Variants in RBM47 observed in about 807,000 individuals in gnomAD.
RBM47 encodes the protein RNA binding motif protein 47.
RBM47 carries 21 observed loss-of-function variants against 47.1 expected under a neutral mutation model. The ratio of observed to expected loss-of-function variants is 0.45; its 90% CI spans 0.32 to 0.64. The LOEUF (loss-of-function observed/expected upper bound fraction) is 0.64, where lower values mean the gene tolerates loss of function less well. Ranked by LOEUF, RBM47 falls within the 30% of genes least tolerant of loss-of-function variation. The pLI, the probability that RBM47 is intolerant of heterozygous loss-of-function variation, is 0.05. For missense variants in RBM47, 708 were observed against 870.9 expected (o/e 0.81, Z 2.35); for synonymous variants, 375 against 361.7 (o/e 1.04, Z -0.42).
chr4:40,499,991 C>G (rs554601329), intron 2 of RBM47, among the ~76,000 whole-genome samples: 1 of 152,180 alleles, frequency 6.6e-6, no homozygotes, highest in African/African-American at 2.4e-5. Flanking sequence ...ACTAGCTGTG[C>G]TTAAACAATT....
chr4:40,489,092 G>GC (rs376504682), intron 2 of RBM47, among the ~76,000 whole-genome samples: 18 of 152,260 alleles, frequency 1.2e-4, no homozygotes, highest in South Asian at 4.1e-4. Context: ...TACTCTGTAT[G>GC]CCCCCCTCAT....
At chr4:40,600,448 C>T (rs1262136470) in intron 1 of RBM47, among the ~76,000 whole-genome samples, 2 of 148,796 alleles carry the variant, frequency 1.3e-5, no homozygotes, top group Non-Finnish European at 3.0e-5. Context: ...TGCTGGCTAA[C>T]GTGGTGAAAC....
intron 2 of RBM47, among the ~76,000 whole-genome samples, chr4:40,538,839 T>C (rs1248515763): frequency 6.6e-6 from 1 of 151,244 alleles, no homozygotes; most frequent in African/African-American, 2.4e-5. Context: ...TTTCACCATG[T>C]TGGCCAGTCA....
chr4:40,432,546 CAG>C, intron 6 of RBM47, 103 bp downstream of exon 6: 1 of 1,546,248 alleles, frequency 6.5e-7, no homozygotes, highest in Non-Finnish European at 8.7e-7. Context: ...ATAGCTGTAA[CAG>C]AGAGCCAGGC....
chr4:40,612,284 C>T (rs1458785587), intron 1 of RBM47, among the ~76,000 whole-genome samples: 1 of 152,174 alleles, frequency 6.6e-6, no homozygotes, highest in East Asian at 1.9e-4. Context: ...GTAATCCCAG[C>T]ACTTTGGAAG....
At chr4:40,584,763 A>G (rs1266870093) in intron 1 of RBM47, among the ~76,000 whole-genome samples, 1 of 152,236 alleles carries the variant, frequency 6.6e-6, no homozygotes, top group African/African-American at 2.4e-5. Flanking sequence ...TTTTAAATTC[A>G]AATTAATTAA....
chr4:40,596,372 C>A (rs1381645888), intron 1 of RBM47, among the ~76,000 whole-genome samples: 1 of 152,202 alleles, frequency 6.6e-6, no homozygotes, highest in African/African-American at 2.4e-5. Flanking sequence ...CTTTTATTCA[C>A]TTCCTGGTGC....
At chr4:40,558,118 T>C (rs1465763742) in intron 1 of RBM47, among the ~76,000 whole-genome samples, 1 of 152,174 alleles carries the variant, frequency 6.6e-6, no homozygotes, top group African/African-American at 2.4e-5. Context: ...TCAAAACAGA[T>C]ATTATTATTC....
chr4:40,508,616 G>T lies in RBM47; in HGVS notation c.-155+35806C>A, dbSNP rs145744570. On this transcript the variant is annotated intron_variant, in intron 2 of 6. Transcript: ENST00000295971. Reference sequence around the variant, plus strand: ...AGATACAAAAGAGTACATACTGTCTGATTCCATCTTAATGAAGTAAGAATA... The same window carrying T: ...AGATACAAAAGAGTACATACTGTCTTATTCCATCTTAATGAAGTAAGAATA... Among the ~76,000 whole-genome samples the T allele has an allele frequency of 6.9e-3, 1,047 of 152,340 alleles. 14 individuals carry two copies. Among genetic ancestry groups the T allele is most frequent in the African/African-American group, 0.024 (1,015 of 41,576 alleles).
At chr4:40,535,866 A>G (rs1190947161) in intron 2 of RBM47, among the ~76,000 whole-genome samples, 1 of 151,064 alleles carries the variant, frequency 6.6e-6, no homozygotes, top group Non-Finnish European at 1.5e-5. Context: ...CCTCGTATAT[A>G]TTTTTTTTCC....
At chr4:40,568,826 C>G (rs1460762442) in intron 1 of RBM47, among the ~76,000 whole-genome samples, 2 of 151,822 alleles carry the variant, frequency 1.3e-5, no homozygotes, top group African/African-American at 4.8e-5. Context: ...ACTAAAAATA[C>G]AAAAATTAAC....
At chr4:40,434,005 G>GTA (rs1301076457) in intron 5 of RBM47, among the ~76,000 whole-genome samples, 11,307 of 66,026 alleles carry the variant, frequency 0.17, 2,226 homozygotes, top group Non-Finnish European at 0.21. Flanking sequence ...GGGCGGGGGT[G>GTA]TGTGTGTGTG....
Position 40,544,437 on chromosome 4 carries a change from A to T in RBM47, c.-170T>A, listed in dbSNP as rs1728828138. ...GCCAACTTACCAAACCTCCTCAGTGAGCCAAGGATTGCTGATCTCTGCTGG... is the reference window on the plus strand; with the variant it reads ...GCCAACTTACCAAACCTCCTCAGTGTGCCAAGGATTGCTGATCTCTGCTGG... On this transcript the variant is annotated 5_prime_UTR_variant, in exon 2 of 7. Transcript: ENST00000295971. 1.3e-5 allele frequency: 2 copies of T among 152,242 alleles called. No homozygotes were observed. The highest frequency in any genetic ancestry group is 2.4e-5 in the African/African-American group (1 of 41,464). 9.4% of individuals were successfully genotyped at this position (152,242 alleles called of 1,614,324 possible).
At chr4:40,590,364 C>T (rs75207171) in intron 1 of RBM47, among the ~76,000 whole-genome samples, 9 of 152,052 alleles carry the variant, frequency 5.9e-5, no homozygotes, top group Non-Finnish European at 1.2e-4. Context: ...CACTGTACTC[C>T]AGCCTGGGCA....
chr4:40,616,081 G>A (rs1204950094), intron 1 of RBM47, among the ~76,000 whole-genome samples: 1 of 151,906 alleles, frequency 6.6e-6, no homozygotes, highest in Non-Finnish European at 1.5e-5. Context: ...GGCTGGGTGC[G>A]GTGGCTCACG....
intron 2 of RBM47, among the ~76,000 whole-genome samples, chr4:40,500,138 A>C (rs1723142809): frequency 6.6e-6 from 1 of 152,166 alleles, no homozygotes; most frequent in Non-Finnish European, 1.5e-5. Flanking sequence ...AACAGAGTGA[A>C]ATCCCGTTCT....
intron 3 of RBM47, among the ~76,000 whole-genome samples, chr4:40,441,457 C>G (rs992762102): frequency 6.6e-6 from 1 of 152,010 alleles, no homozygotes; most frequent in Non-Finnish European, 1.5e-5. Context: ...AAGACCTTTC[C>G]CTTCTTCCAA....
intron 6 of RBM47, among the ~76,000 whole-genome samples, chr4:40,431,974 C>T (rs566391801): frequency 4.9e-4 from 75 of 151,812 alleles, no homozygotes; most frequent in South Asian, 2.3e-3. Flanking sequence ...CCTCAGCCTC[C>T]CCAGTAGCTG....
rs571485220 is a variant in RBM47, at chr4:40,451,126, C to T, written c.-31-12202G>A. On this transcript the variant is annotated intron_variant, in intron 3 of 6. Transcript: ENST00000295971. Reference sequence around the variant, plus strand: ...CTTTGTGAGGTTGAGGTGGGAGGATCGCTGGAGCCCAGGAGTTCGAGACCA... The same window carrying T: ...CTTTGTGAGGTTGAGGTGGGAGGATTGCTGGAGCCCAGGAGTTCGAGACCA... Among the ~76,000 whole-genome samples, 71 of 145,862 alleles carry T rather than the reference C, an allele frequency of 4.9e-4. No individual in the cohort carries two copies. The South Asian group carries it at 0.014, about 28-fold the overall frequency.
Sources: gnomAD v4.1 joint callset for allele counts (sites outside exome capture counted in the v4.1 genomes callset) on GRCh38, gnomAD v4.1.1 for gene constraint, MANE v1.5 for transcripts, NCBI Gene and HGNC (gene_info 2026-07-23, HGNC 2026-07-21) for gene names.